The following FBH1 variants were observed in gnomAD, a reference collection of about 807,000 sequenced individuals.
The protein encoded by FBH1 is DNA 3'-5' helicase 1.
FBH1 carries 43 observed loss-of-function variants against 115.5 expected under a neutral mutation model. That is an observed-to-expected ratio of 0.37 (90% confidence interval 0.29 to 0.48). The LOEUF is 0.48. Ranked by LOEUF, FBH1 falls within the 20% of genes least tolerant of loss-of-function variation. The pLI is 0.99. For missense variants in FBH1, 1,001 were observed against 1,337.3 expected (o/e 0.75, Z 3.92); for synonymous variants, 524 against 507.8 (o/e 1.03, Z -0.43).
chr10:5,937,074 G>T, intron 20 of FBH1, 36 bp from the exon 21 acceptor site: 2 of 1,539,980 alleles, frequency 1.3e-6, no homozygotes, highest in East Asian at 2.3e-5. Context: ...TTCTTTGGTT[G>T]TTCCCCTTAG....
chr10:5,919,412 G>A (rs1478702786), intron 13 of FBH1, among the ~76,000 whole-genome samples: 1 of 152,164 alleles, frequency 6.6e-6, no homozygotes, highest in Non-Finnish European at 1.5e-5. Flanking sequence ...CTTGAACCCA[G>A]GAGGCAGAGG....
At chr10:5,892,935 T>C (rs995344962) in intron 1 of FBH1, among the ~76,000 whole-genome samples, 3 of 152,254 alleles carry the variant, frequency 2.0e-5, no homozygotes, top group Non-Finnish European at 4.4e-5. Flanking sequence ...ACAATCTCCA[T>C]GTCTCTCCAC....
intron 1 of FBH1, chr10:5,891,001 T>TTAC: frequency 4.5e-6 from 1 of 221,944 alleles, no homozygotes; most frequent in Non-Finnish European, 7.6e-6. Context: ...CGAGTGCCGT[T>TTAC]TACATTTTTT....
chr10:5,899,228 A>G (rs1238833190), intron 1 of FBH1, among the ~76,000 whole-genome samples: 1 of 152,214 alleles, frequency 6.6e-6, no homozygotes, highest in Non-Finnish European at 1.5e-5. Context: ...TCAGCTAAGC[A>G]GGCCTGCAGC....
chr10:5,926,201 A>G (rs769197118), intron 18 of FBH1, among the ~76,000 whole-genome samples: 11 of 152,082 alleles, frequency 7.2e-5, no homozygotes, highest in East Asian at 1.9e-4. Flanking sequence ...GCTCACTGCA[A>G]TCTCCACCTC....
At chr10:5,899,099 A>G (rs1045376118) in intron 1 of FBH1, among the ~76,000 whole-genome samples, 1 of 152,184 alleles carries the variant, frequency 6.6e-6, no homozygotes, top group African/African-American at 2.4e-5. Flanking sequence ...CCAAAAGCCA[A>G]ATGTAGAAGG....
rs1210781057 is a variant in FBH1 at position 5,923,976 on chromosome 10, T to C, written c.2398+280T>C. 2.3e-4 allele frequency: 130 copies of C among 559,562 alleles called. No homozygotes were observed. The East Asian group carries it at 3.9e-3, about 17-fold the overall frequency. 34.7% of individuals were successfully genotyped at this position (559,562 alleles called of 1,614,324 possible). On this transcript the variant is annotated intron_variant, in intron 16 of 20. Transcript: ENST00000362091. The surrounding 1 kb of genome is among the most constrained non-coding windows in gnomAD (Gnocchi z 5.7). ...CCTTCTGTCTGCCTGGGCCAATTTA[T>C]ACGTTGATACTTCCACGTGGGCCCC...
At position 5,933,260 on chromosome 10, in the gene FBH1, T is replaced by TGGGC. The variant is rs1833071980; in HGVS notation, c.2830-3195_2830-3194insGGCG. ...AAAATTAGCTGGGTGTAGTGGCGTATGCCTGTAATCCCAGCTACTCAGGAG... is the reference window on the plus strand; with the variant it reads ...AAAATTAGCTGGGTGTAGTGGCGTATGGGCGCCTGTAATCCCAGCTACTCAGGAG... On this transcript the variant is annotated intron_variant, in intron 19 of 20. Coordinates refer to ENST00000362091, the MANE Select transcript of FBH1 (RefSeq NM_178150.3). The surrounding 1 kb of genome is among the most constrained non-coding windows in gnomAD (Gnocchi z 4.9). Among the ~76,000 whole-genome samples the TGGGC allele has an allele frequency of 6.6e-6, 1 of 152,140 alleles. No individual in the cohort carries two copies. The highest frequency in any genetic ancestry group is 6.5e-5 in the Admixed American group (1 of 15,284).
chr10:5,937,371 C>G lies in FBH1; in HGVS notation c.*91C>G. 1.5e-6 allele frequency: 2 copies of G among 1,352,288 alleles called. No individual in the cohort carries two copies. The highest frequency in any genetic ancestry group is 1.9e-6 in the Non-Finnish European group (2 of 1,030,976). 83.8% of individuals were successfully genotyped at this position (1,352,288 alleles called of 1,614,324 possible). A position where few individuals can be genotyped will look rare whatever the true frequency, so the allele number is the denominator to read the frequency against. ...CGAGGGGGGCTTCTGCTCCCTGAGACTCTGGGTTCACCCACAGCACTTTCT... is the reference window on the plus strand; with the variant it reads ...CGAGGGGGGCTTCTGCTCCCTGAGAGTCTGGGTTCACCCACAGCACTTTCT... On this transcript the variant is annotated 3_prime_UTR_variant, in exon 21 of 21. Transcript: ENST00000362091.
chr10:5,902,135 C>T (rs1237842213), intron 1 of FBH1, among the ~76,000 whole-genome samples: 2 of 152,020 alleles, frequency 1.3e-5, no homozygotes, highest in Non-Finnish European at 2.9e-5. Context: ...ATTGGCTTCT[C>T]TTCCATTTGG....
chr10:5,896,147 C>A (rs576288092), intron 1 of FBH1, among the ~76,000 whole-genome samples: 36 of 152,232 alleles, frequency 2.4e-4, no homozygotes, highest in Admixed American at 2.0e-3. Context: ...AGACGTGGTC[C>A]CTTCCTTTTA....
chr10:5,894,447 G>A, intron 1 of FBH1: 1 of 1,553,950 alleles, frequency 6.4e-7, no homozygotes, highest in Non-Finnish European at 8.9e-7. Flanking sequence ...CACTGGACTA[G>A]GGGAGTCAGG....
rs2132166044 is a variant in FBH1 at position 5,936,388 on chromosome 10, A to G, written c.2830-68A>G. On this transcript the variant is annotated intron_variant, in intron 19 of 20. Coordinates refer to ENST00000362091, the MANE Select transcript of FBH1 (RefSeq NM_178150.3). The surrounding 1 kb of genome is among the most constrained non-coding windows in gnomAD (Gnocchi z 5.6). ...AAAGGGTTCTCACAGAGCCGCCGCT[A>G]TCAGTGTTTCCAGTAGACCCTAACG... is the stretch of plus-strand genomic sequence containing the variant. 6.3e-7 allele frequency: 1 copy of G among 1,575,144 alleles called. No homozygotes were observed. The highest frequency in any genetic ancestry group is 8.7e-7 in the Non-Finnish European group (1 of 1,154,086).
At position 5,894,005 on chromosome 10, in the gene FBH1, A is replaced by G. The variant is rs561364429; in HGVS notation, c.1+3659A>G. 13 of 985,462 alleles carry G rather than the reference A, an allele frequency of 1.3e-5. No individual in the cohort carries two copies. In the South Asian group the frequency reaches 4.7e-4, roughly 36 times the overall value. 61.0% of individuals were successfully genotyped at this position (985,462 alleles called of 1,614,324 possible). A position where few individuals can be genotyped will look rare whatever the true frequency, so the allele number is the denominator to read the frequency against. Reference sequence around the variant, plus strand: ...AAACATAGAACGGAAAGCCCAGCCCATCCTTGTTGGCTGTCATACACGAGT... The same window carrying G: ...AAACATAGAACGGAAAGCCCAGCCCGTCCTTGTTGGCTGTCATACACGAGT... On this transcript the variant is annotated intron_variant, in intron 1 of 20. Coordinates refer to ENST00000362091, the MANE Select transcript of FBH1 (RefSeq NM_178150.3).
At position 5,935,744 on chromosome 10, in the gene FBH1, C is replaced by G. The variant is rs1433396210; in HGVS notation, c.2830-712C>G. On this transcript the variant is annotated intron_variant, in intron 19 of 20. Transcript: ENST00000362091. The surrounding 1 kb of genome is among the most constrained non-coding windows in gnomAD (Gnocchi z 5.2). ...CATAATCCAGAAAATACGAAACCGT[C>G]CTTTCCTGGGCAGCAGATGTGTGCG... 1 of 152,280 alleles carries G rather than the reference C, an allele frequency of 6.6e-6. No individual in the cohort carries two copies. The allele number at this position is 152,280 out of a possible 1,614,324, so 9.4% of individuals were successfully genotyped here.
At position 5,918,522 on chromosome 10, in the gene FBH1, A is replaced by G. The variant is rs780001571; in HGVS notation, c.2100+44A>G. On this transcript the variant is annotated intron_variant, in intron 13 of 20. Coordinates refer to ENST00000362091, the MANE Select transcript of FBH1 (RefSeq NM_178150.3). This position sits in a 1 kb window ranked among gnomAD's most constrained non-coding sequence, Gnocchi z 4.0. Reference sequence around the variant, plus strand: ...TGGGAGGCATTGCATCTCTCTCCCAATGTCTTACGTGCCAGGCCCTGTGAA... The same window carrying G: ...TGGGAGGCATTGCATCTCTCTCCCAGTGTCTTACGTGCCAGGCCCTGTGAA... 1.3e-5 allele frequency: 19 copies of G among 1,519,204 alleles called. No individual in the cohort carries two copies. Among genetic ancestry groups the G allele is most frequent in the East Asian group, 2.5e-5 (1 of 40,230 alleles). The allele number at this position is 1,519,204 out of a possible 1,614,324, so 94.1% of individuals were successfully genotyped here.
chr10:5,906,697 T>A lies in FBH1; in HGVS notation c.753+65T>A. 7.8e-7 allele frequency: 1 copy of A among 1,282,486 alleles called. No homozygotes were observed. The highest frequency in any genetic ancestry group is 2.3e-5 in the East Asian group (1 of 42,958). The allele number at this position is 1,282,486 out of a possible 1,614,324, so 79.4% of individuals were successfully genotyped here. On this transcript the variant is annotated intron_variant, in intron 3 of 20. Transcript: ENST00000362091. The surrounding 1 kb of genome is among the most constrained non-coding windows in gnomAD (Gnocchi z 7.3). ...GCACGTAACTTTGCTTAATGCACGC[T>A]TATAATCAGAGGATCTTTTCAGAAA... is the stretch of plus-strand genomic sequence containing the variant.
Position 5,914,381 on chromosome 10 carries a change from TAATTC to T in FBH1, c.1396+116_1396+120del. ...TTGCTCTGATCTGTCATCCAACTAATAATTCAATAACAGATCAAATAATCAATCTC... is the reference window on the plus strand; with the variant it reads ...TTGCTCTGATCTGTCATCCAACTAATAATAACAGATCAAATAATCAATCTC... On this transcript the variant is annotated intron_variant, in intron 8 of 20. Transcript: ENST00000362091. This position sits in a 1 kb window ranked among gnomAD's most constrained non-coding sequence, Gnocchi z 5.2. The T allele has an allele frequency of 1.2e-6, 1 of 866,202 alleles. No homozygotes were observed. Among genetic ancestry groups the T allele is most frequent in the East Asian group, 2.5e-5 (1 of 40,130 alleles). The allele number at this position is 866,202 out of a possible 1,614,324, so 53.7% of individuals were successfully genotyped here.
chr10:5,915,668 C>T lies in FBH1; in HGVS notation c.1565+97C>T, dbSNP rs1418395112. 4 of 1,138,832 alleles carry T rather than the reference C, an allele frequency of 3.5e-6. No individual in the cohort carries two copies. Among genetic ancestry groups the T allele is most frequent in the Non-Finnish European group, 5.1e-6 (4 of 785,720 alleles). The allele number at this position is 1,138,832 out of a possible 1,614,324, so 70.5% of individuals were successfully genotyped here. Reference sequence around the variant, plus strand: ...CACATGTGAGCTTACACCACAGTGACCCCGAGGAGTGTAGTGCTGTTATCT... The same window carrying T: ...CACATGTGAGCTTACACCACAGTGATCCCGAGGAGTGTAGTGCTGTTATCT... On this transcript the variant is annotated intron_variant, in intron 9 of 20. Coordinates refer to ENST00000362091, the MANE Select transcript of FBH1 (RefSeq NM_178150.3). This position sits in a 1 kb window ranked among gnomAD's most constrained non-coding sequence, Gnocchi z 5.2.
Sources: gnomAD v4.1 joint callset for allele counts (sites outside exome capture counted in the v4.1 genomes callset) on GRCh38, gnomAD v4.1.1 for gene constraint, Gnocchi (gnomAD v3.1) non-coding constraint, MANE v1.5 for transcripts, NCBI Gene and HGNC (gene_info 2026-07-23, HGNC 2026-07-21) for gene names.